CFAP70: variants seen among roughly 807,000 people sequenced by gnomAD.
The protein encoded by CFAP70 is cilia and flagella associated protein 70.
A neutral mutation model predicts 137.6 loss-of-function variants in CFAP70; 81 were observed. The observed-to-expected ratio is 0.59, with a 90% CI of 0.49 to 0.71. The LOEUF (loss-of-function observed/expected upper bound fraction) is 0.71. Ranked by LOEUF, CFAP70 falls within the 30% of genes least tolerant of loss-of-function variation. The pLI, the probability that CFAP70 is intolerant of heterozygous loss-of-function variation, is 0.00. For synonymous variants in CFAP70, 382 were observed against 423.6 expected, an observed-to-expected ratio of 0.90 and a Z score of 1.20; for missense variants, 976 against 1,226.7, an observed-to-expected ratio of 0.80 and a Z score of 3.05.
rs566767196 is a variant in CFAP70 at position 73,326,196 on chromosome 10, T to C, written c.778-3099A>G. Among the ~76,000 whole-genome samples the C allele has an allele frequency of 1.8e-4, 27 of 151,990 alleles. 1 individual carries two copies. Among genetic ancestry groups the C allele is most frequent in the African/African-American group, 6.5e-4 (27 of 41,418 alleles). ...GATTAAGAAACTCACTCAAAACTGC[T>C]CAACTACATGGAAACTGAACAACCT... On this transcript the variant is annotated intron_variant, in intron 8 of 26. Coordinates refer to ENST00000310715, the Ensembl canonical transcript of CFAP70.
At chr10:73,269,540 T>C in intron 25 of CFAP70, 74 bp downstream of exon 26, 1 of 992,366 alleles carries the variant, frequency 1.0e-6, no homozygotes, top group Non-Finnish European at 1.6e-6. Flanking sequence ...AATGGCCATC[T>C]GCTGCCCCTT....
chr10:73,289,982 T>C (rs2048045843), intron 19 of CFAP70, among the ~76,000 whole-genome samples: 1 of 149,084 alleles, frequency 6.7e-6, no homozygotes, highest in South Asian at 2.1e-4. Context: ...GAGGCAGAGG[T>C]TGCAGTGAGC....
chr10:73,334,620 G>A (rs536956682), intron 7 of CFAP70, among the ~76,000 whole-genome samples: 21 of 149,266 alleles, frequency 1.4e-4, no homozygotes, highest in Admixed American at 8.7e-4. Flanking sequence ...TCACTCTGTC[G>A]CCAGGCTGGA....
intron 23 of CFAP70, among the ~76,000 whole-genome samples, chr10:73,273,671 C>A (rs892553907): frequency 2.0e-5 from 3 of 152,234 alleles, no homozygotes; most frequent in African/African-American, 7.2e-5. Context: ...ATATACTTCA[C>A]TACAGTGGGA....
chr10:73,279,915 C>T (rs189019297), intron 19 of CFAP70, among the ~76,000 whole-genome samples: 2 of 151,692 alleles, frequency 1.3e-5, no homozygotes, highest in Admixed American at 1.3e-4. Context: ...ATTGGAAAGC[C>T]ATGTAAGTAT....
chr10:73,272,966 A>C, exon 24 of CFAP70: 8 of 1,553,072 alleles, frequency 5.2e-6, no homozygotes, highest in Non-Finnish European at 6.1e-6. Context: ...CAGGTAAGGC[A>C]TGAAGGTGAT....
At chr10:73,335,068 T>C (rs555355473) in intron 7 of CFAP70, among the ~76,000 whole-genome samples, 76 of 149,104 alleles carry the variant, frequency 5.1e-4, no homozygotes, top group South Asian at 4.7e-3. Context: ...TTCTTTTTTT[T>C]TTTTTTTTTT....
intron 6 of CFAP70, among the ~76,000 whole-genome samples, chr10:73,340,573 T>A (rs1449965671): frequency 6.6e-6 from 1 of 152,200 alleles, no homozygotes; most frequent in East Asian, 1.9e-4. Context: ...CCTGCTGCCA[T>A]CCACAGTGCC....
At chr10:73,297,838 T>C (rs2048653773) in intron 14 of CFAP70, among the ~76,000 whole-genome samples, 1 of 152,212 alleles carries the variant, frequency 6.6e-6, no homozygotes, top group African/African-American at 2.4e-5. Flanking sequence ...TGTGATAATA[T>C]TAACCTCATC....
At chr10:73,338,851 G>C (rs113067536) in intron 6 of CFAP70, among the ~76,000 whole-genome samples, 3 of 151,884 alleles carry the variant, frequency 2.0e-5, no homozygotes, top group Non-Finnish European at 4.4e-5. Flanking sequence ...TGCAGGACTT[G>C]AGTATGCACG....
At chr10:73,280,946 G>T (rs951566788) in intron 19 of CFAP70, among the ~76,000 whole-genome samples, 3 of 151,622 alleles carry the variant, frequency 2.0e-5, no homozygotes, top group South Asian at 2.1e-4. Context: ...ACTTATTTTG[G>T]GTTTAATTTG....
intron 6 of CFAP70, among the ~76,000 whole-genome samples, chr10:73,336,725 A>G (rs893474324): frequency 7.9e-5 from 12 of 151,638 alleles, no homozygotes; most frequent in Non-Finnish European, 1.5e-4. Context: ...AGCTGGGACT[A>G]CAGGCGCACG....
chr10:73,293,282 G>A (rs1248681839), exon 16 of CFAP70: 1 of 1,611,622 alleles, frequency 6.2e-7, no homozygotes, highest in Non-Finnish European at 8.5e-7. Flanking sequence ...ATATGCTGCT[G>A]CCATCTCAAA....
chr10:73,325,153 C>A lies in CFAP70; in HGVS notation c.778-2056G>T, dbSNP rs1160014261. Reference sequence around the variant, plus strand: ...AGCGGATCTGTTGGCAGAAACTCTACAAGCCAGAAGAGAGTGGGGGCCAAT... The same window carrying A: ...AGCGGATCTGTTGGCAGAAACTCTAAAAGCCAGAAGAGAGTGGGGGCCAAT... On this transcript the variant is annotated intron_variant, in intron 8 of 26. Transcript: ENST00000310715. Among the ~76,000 whole-genome samples, 6 of 152,156 alleles carry A rather than the reference C, an allele frequency of 3.9e-5. No homozygotes were observed. The South Asian group carries it at 1.0e-3, about 26-fold the overall frequency.
chr10:73,260,261 G>C (rs1228026664), intron 25 of CFAP70, among the ~76,000 whole-genome samples: 1 of 151,902 alleles, frequency 6.6e-6, no homozygotes, highest in Non-Finnish European at 1.5e-5. Context: ...GCTGAAACAG[G>C]AGGATCCCTT....
intron 7 of CFAP70, among the ~76,000 whole-genome samples, chr10:73,334,910 G>T (rs1319160324): frequency 6.7e-6 from 1 of 148,160 alleles, no homozygotes; most frequent in African/African-American, 2.5e-5. Context: ...AAGAGACAAG[G>T]TGTCACTCCA....
At chr10:73,317,538 T>TCCTAACTG (rs1564833327) in intron 9 of CFAP70, among the ~76,000 whole-genome samples, 1 of 152,144 alleles carries the variant, frequency 6.6e-6, no homozygotes, top group African/African-American at 2.4e-5. Context: ...AATGTGTATA[T>TCCTAACTG]TTTGGGTCTC....
chr10:73,313,856 A>T (rs938620174), intron 9 of CFAP70, among the ~76,000 whole-genome samples: 1 of 152,192 alleles, frequency 6.6e-6, no homozygotes, highest in Non-Finnish European at 1.5e-5. Context: ...AAGGAAAAAA[A>T]ATTAAAATTA....
chr10:73,290,080 A>T (rs573486237), intron 19 of CFAP70, among the ~76,000 whole-genome samples: 1 of 151,598 alleles, frequency 6.6e-6, no homozygotes, highest in East Asian at 2.0e-4. Context: ...ATGAATGTCC[A>T]TAGTAGTTTT....
Sources: allele counts gnomAD v4.1 joint callset (sites outside exome capture counted in the v4.1 genomes callset), GRCh38; gene constraint gnomAD v4.1.1; transcripts MANE v1.5; gene names NCBI Gene and HGNC (gene_info 2026-07-23, HGNC 2026-07-21).